Variants in TPD52L1 observed in about 807,000 individuals in gnomAD.
The protein encoded by TPD52L1 is TPD52 like 1.
A neutral mutation model predicts 28.7 loss-of-function variants in TPD52L1; 18 were observed. That is an observed-to-expected ratio of 0.63 (90% CI 0.43 to 0.93). The LOEUF is 0.93. Ranked by LOEUF, TPD52L1 falls within the 40% of genes least tolerant of loss-of-function variation. TPD52L1 has a pLI of 0.00. For synonymous variants in TPD52L1, 75 were observed against 88.8 expected, an observed-to-expected ratio of 0.84 and a Z score of 0.88; for missense variants, 203 against 254.8, an observed-to-expected ratio of 0.80 and a Z score of 1.39.
chr6:125,162,046 T>C (rs932059135), intron 1 of TPD52L1, among the ~76,000 whole-genome samples: 2 of 152,248 alleles, frequency 1.3e-5, no homozygotes, highest in African/African-American at 4.8e-5. Flanking sequence ...AAATTTTGTA[T>C]TGAAGTTTAG....
At chr6:125,246,806 C>A (rs149102287) in intron 3 of TPD52L1, among the ~76,000 whole-genome samples, 2 of 151,716 alleles carry the variant, frequency 1.3e-5, no homozygotes, top group Non-Finnish European at 2.9e-5. Flanking sequence ...CAAATTACCC[C>A]CTAGTCACCA....
intron 1 of TPD52L1, among the ~76,000 whole-genome samples, chr6:125,181,157 T>G (rs1257518255): frequency 6.6e-6 from 1 of 152,142 alleles, no homozygotes; most frequent in Admixed American, 6.5e-5. Context: ...TTTATTTTAT[T>G]TACTTATATA....
At chr6:125,230,332 T>TG (rs1206747728) in intron 3 of TPD52L1, among the ~76,000 whole-genome samples, 2 of 152,266 alleles carry the variant, frequency 1.3e-5, no homozygotes, top group East Asian at 3.9e-4. Context: ...TTTTGTGTAT[T>TG]GGGGGTTAGG....
chr6:125,190,954 A>C (rs1219920752), intron 1 of TPD52L1, among the ~76,000 whole-genome samples: 2 of 152,178 alleles, frequency 1.3e-5, no homozygotes, highest in African/African-American at 4.8e-5. Context: ...GCTTTAGAGT[A>C]TGTTGTACTG....
At chr6:125,178,025 C>T (rs1305261100) in intron 1 of TPD52L1, among the ~76,000 whole-genome samples, 4 of 152,072 alleles carry the variant, frequency 2.6e-5, no homozygotes, top group Non-Finnish European at 4.4e-5. Flanking sequence ...ACTTAAAAAT[C>T]CCAAGTTTAA....
intron 1 of TPD52L1, among the ~76,000 whole-genome samples, chr6:125,173,465 C>T (rs929833363): frequency 6.6e-6 from 1 of 152,136 alleles, no homozygotes. Flanking sequence ...AGTGCCCTGG[C>T]CCAAGAGCCA....
At chr6:125,172,446 C>G (rs1351703850) in intron 1 of TPD52L1, among the ~76,000 whole-genome samples, 1 of 128,974 alleles carries the variant, frequency 7.8e-6, no homozygotes, top group African/African-American at 3.0e-5. Flanking sequence ...AGCCACCACA[C>G]CTGGCCTGGA....
At chr6:125,219,169 T>A (rs193302378) in intron 1 of TPD52L1, among the ~76,000 whole-genome samples, 1 of 152,310 alleles carries the variant, frequency 6.6e-6, no homozygotes, top group African/African-American at 2.4e-5. Flanking sequence ...ATAGATGAAG[T>A]TTCTCTCTGA....
intron 1 of TPD52L1, among the ~76,000 whole-genome samples, chr6:125,207,922 C>A (rs1794253016): frequency 6.6e-6 from 1 of 152,140 alleles, no homozygotes; most frequent in Non-Finnish European, 1.5e-5. Flanking sequence ...GAGGACGAGG[C>A]AAGATAAGAT....
intron 2 of TPD52L1, among the ~76,000 whole-genome samples, chr6:125,221,035 G>T (rs1795195508): frequency 6.6e-6 from 1 of 152,154 alleles, no homozygotes; most frequent in South Asian, 2.1e-4. Context: ...CACAGGCTGA[G>T]GACACAGCTC....
chr6:125,208,227 C>A (rs1038263228), intron 1 of TPD52L1, among the ~76,000 whole-genome samples: 4 of 152,108 alleles, frequency 2.6e-5, no homozygotes, highest in African/African-American at 4.8e-5. Context: ...TCTCTCAAGG[C>A]CAAGATATCA....
chr6:125,241,298 C>T (rs1796597543), intron 3 of TPD52L1, among the ~76,000 whole-genome samples: 3 of 151,838 alleles, frequency 2.0e-5, no homozygotes, highest in Non-Finnish European at 4.4e-5. Context: ...TATGTCCTTT[C>T]CTGGTTTTGG....
At chr6:125,180,392 T>C (rs1792105693) in intron 1 of TPD52L1, among the ~76,000 whole-genome samples, 1 of 152,190 alleles carries the variant, frequency 6.6e-6, no homozygotes, top group Admixed American at 6.5e-5. Flanking sequence ...CCACCTCTTA[T>C]GGTCAGTTTG....
At chr6:125,172,431 G>A (rs1452593542) in intron 1 of TPD52L1, among the ~76,000 whole-genome samples, 2 of 132,398 alleles carry the variant, frequency 1.5e-5, no homozygotes, top group Non-Finnish European at 3.1e-5. Context: ...GGGATTATAG[G>A]CATTAGCCAC....
At chr6:125,166,074 T>C (rs981334971) in intron 1 of TPD52L1, among the ~76,000 whole-genome samples, 2 of 152,210 alleles carry the variant, frequency 1.3e-5, no homozygotes, top group Non-Finnish European at 2.9e-5. Context: ...ATGAGTATTA[T>C]AATTACTTGT....
chr6:125,251,765 T>A (rs1271659618), intron 4 of TPD52L1, among the ~76,000 whole-genome samples: 1 of 152,218 alleles, frequency 6.6e-6, no homozygotes, highest in Non-Finnish European at 1.5e-5. Context: ...GGACAAAATG[T>A]TTGGAGAAGG....
chr6:125,223,554 C>T (rs925417008), intron 2 of TPD52L1, among the ~76,000 whole-genome samples: 2 of 151,714 alleles, frequency 1.3e-5, no homozygotes, highest in Non-Finnish European at 2.9e-5. Flanking sequence ...ATTAAAAATA[C>T]AAAAATTAGT....
chr6:125,236,523 AC>A (rs1796268412), intron 3 of TPD52L1, among the ~76,000 whole-genome samples: 1 of 152,198 alleles, frequency 6.6e-6, no homozygotes, highest in African/African-American at 2.4e-5. Context: ...TTAGTTCAAA[AC>A]ATTCTCAAAT....
intron 1 of TPD52L1, among the ~76,000 whole-genome samples, chr6:125,190,649 A>G (rs1374113278): frequency 1.3e-5 from 2 of 152,182 alleles, no homozygotes; most frequent in Non-Finnish European, 2.9e-5. Flanking sequence ...GTTTTTCTGC[A>G]TCTAGATGGT....
Sources: gnomAD v4.1 joint callset for allele counts (sites outside exome capture counted in the v4.1 genomes callset) on GRCh38, gnomAD v4.1.1 for gene constraint, MANE v1.5 for transcripts, NCBI Gene and HGNC (gene_info 2026-07-23, HGNC 2026-07-21) for gene names.